Variants in LMBR1 observed in about 807,000 individuals in gnomAD.
LMBR1 encodes the protein limb region 1 protein homolog.
LMBR1 carries 52 observed loss-of-function variants against 73.9 expected under a neutral mutation model. The observed-to-expected ratio is 0.70, with a 90% CI of 0.56 to 0.89. The LOEUF (loss-of-function observed/expected upper bound fraction) is 0.89, where lower values mean the gene tolerates loss of function less well. Among genes scored for constraint, LMBR1 ranks in the 40% least tolerant of loss-of-function variants. The pLI, the probability that LMBR1 is intolerant of heterozygous loss-of-function variation, is 0.00. For missense variants in LMBR1, 539 were observed against 579.8 expected, an observed-to-expected ratio of 0.93 and a Z score of 0.72; for synonymous variants, 215 against 209.4, an observed-to-expected ratio of 1.03 and a Z score of -0.23.
chr7:156,888,718 G>T (rs1802374685), intron 1 of LMBR1, among the ~76,000 whole-genome samples: 1 of 152,084 alleles, frequency 6.6e-6, no homozygotes, highest in African/African-American at 2.4e-5. Context: ...AGGAGTTCAA[G>T]AACAGCCTGG....
At position 156,670,019 on chromosome 7, in the gene LMBR1, C is replaced by T. The variant is rs1802129350; in HGVS notation, n.867-732G>A. On this transcript the variant is annotated intron_variant and non_coding_transcript_variant, in intron 4 of 4. Coordinates refer to the LMBR1 transcript ENST00000430825. This position sits in a 1 kb window ranked among gnomAD's most constrained non-coding sequence, Gnocchi z 4.3. ...TATGTACTTCTGTGGCCTCTCTCTC[C>T]AGTGGTCATGTAGTTTTTTTTATTT... 6.6e-6 allele frequency among the ~76,000 whole-genome samples: 1 copy of T among 152,124 alleles called. No individual in the cohort carries two copies. The highest frequency in any genetic ancestry group is 1.5e-5 in the Non-Finnish European group (1 of 68,034).
chr7:156,781,488 G>A (rs1827126049), intron 5 of LMBR1, among the ~76,000 whole-genome samples: 1 of 151,956 alleles, frequency 6.6e-6, no homozygotes, highest in Non-Finnish European at 1.5e-5. Flanking sequence ...CAGTGCAGAT[G>A]CATACATACA....
At chr7:156,675,320 G>A (rs1382525812), downstream of LMBR1, among the ~76,000 whole-genome samples, 4 of 152,354 alleles carry the variant, frequency 2.6e-5, no homozygotes, top group Middle Eastern at 3.4e-3. Context: ...CTTTGGAGAC[G>A]AGGGTGCCTC....
Position 156,783,416 on chromosome 7 carries a change from C to T in LMBR1, c.423+12973G>A, listed in dbSNP as rs78702318. On this transcript the variant is annotated intron_variant, in intron 5 of 16. Coordinates refer to ENST00000353442, the MANE Select transcript of LMBR1 (RefSeq NM_022458.4). The stretch of plus-strand genomic sequence containing the variant: ...CTAGTCTCGAACTCCTGGCCTCCTG[C>T]GATTCTCCCACCTCAGCCTCCCAAA... Among the ~76,000 whole-genome samples, 4 of 152,080 alleles carry T rather than the reference C, an allele frequency of 2.6e-5. No individual in the cohort carries two copies. In the South Asian group the frequency reaches 6.2e-4, roughly 24 times the overall value.
chr7:156,828,670 T>A (rs1034868542), intron 3 of LMBR1, among the ~76,000 whole-genome samples: 2 of 152,254 alleles, frequency 1.3e-5, no homozygotes, highest in South Asian at 4.1e-4. Context: ...ATTAAAACAA[T>A]AAAACCACCT....
At chr7:156,735,127 C>A (rs993038428) in intron 9 of LMBR1, among the ~76,000 whole-genome samples, 1 of 152,138 alleles carries the variant, frequency 6.6e-6, no homozygotes, top group African/African-American at 2.4e-5. Context: ...CTAATTATTT[C>A]TGTAAGACAG....
chr7:156,830,553 A>G (rs1342419869), intron 3 of LMBR1, among the ~76,000 whole-genome samples: 1 of 152,210 alleles, frequency 6.6e-6, no homozygotes, highest in East Asian at 1.9e-4. Flanking sequence ...ACCCTCCCAA[A>G]TATCATCAAA....
At chr7:156,836,666 A>G in intron 2 of LMBR1, 147 bp downstream of exon 2, 1 of 472,390 alleles carries the variant, frequency 2.1e-6, no homozygotes, top group Non-Finnish European at 3.7e-6. Flanking sequence ...GGTTATTTTT[A>G]GGTCTCCTAG....
chr7:156,730,779 T>C (rs901344133), intron 10 of LMBR1, among the ~76,000 whole-genome samples: 2 of 151,922 alleles, frequency 1.3e-5, no homozygotes, highest in Non-Finnish European at 2.9e-5. Flanking sequence ...CTACTAAAAA[T>C]ACAAAAAATT....
chr7:156,753,270 G>A (rs989434751), intron 9 of LMBR1, among the ~76,000 whole-genome samples: 8 of 151,892 alleles, frequency 5.3e-5, no homozygotes, highest in African/African-American at 1.9e-4. Context: ...TAGAAACGAG[G>A]AGCAAAAATC....
At chr7:156,708,674 T>C (rs1463358338) in intron 15 of LMBR1, among the ~76,000 whole-genome samples, 3 of 152,144 alleles carry the variant, frequency 2.0e-5, no homozygotes, top group Non-Finnish European at 2.9e-5. Context: ...TTGAGCAGAA[T>C]CTGGTAGGGG....
intron 4 of LMBR1, among the ~76,000 whole-genome samples, chr7:156,802,296 T>C (rs951279922): frequency 1.3e-5 from 2 of 152,228 alleles, no homozygotes; most frequent in African/African-American, 4.8e-5. Context: ...AAACTTCTTA[T>C]ATTCTTTAGA....
intron 3 of LMBR1, among the ~76,000 whole-genome samples, chr7:156,829,223 T>C (rs1216131357): frequency 1.3e-5 from 2 of 152,242 alleles, no homozygotes; most frequent in East Asian, 3.8e-4. Context: ...ATTGCTTTAC[T>C]AAGAATTCTT....
chr7:156,843,773 T>C (rs1839124094), intron 1 of LMBR1, among the ~76,000 whole-genome samples: 1 of 146,942 alleles, frequency 6.8e-6, no homozygotes, highest in African/African-American at 2.5e-5. Context: ...GAGATGGAGG[T>C]TGTCATGAGC....
At chr7:156,773,738 G>A (rs188769100) in intron 5 of LMBR1, among the ~76,000 whole-genome samples, 13 of 151,756 alleles carry the variant, frequency 8.6e-5, no homozygotes, top group Non-Finnish European at 1.3e-4. Context: ...ACCTAAAACC[G>A]TTAAAAACCC....
chr7:156,874,652 C>A (rs1466503130), intron 1 of LMBR1, among the ~76,000 whole-genome samples: 1 of 152,238 alleles, frequency 6.6e-6, no homozygotes, highest in Non-Finnish European at 1.5e-5. Context: ...AGTACCAGCC[C>A]TGCCTGGTAG....
At chr7:156,866,956 G>A (rs1365411016) in intron 1 of LMBR1, among the ~76,000 whole-genome samples, 1 of 152,122 alleles carries the variant, frequency 6.6e-6, no homozygotes, top group Non-Finnish European at 1.5e-5. Context: ...ACATACAAGC[G>A]TGAGACCTTC....
At chr7:156,742,119 C>A (rs1819008849) in intron 9 of LMBR1, among the ~76,000 whole-genome samples, 1 of 151,910 alleles carries the variant, frequency 6.6e-6, no homozygotes, top group African/African-American at 2.4e-5. Context: ...GCACAACATA[C>A]CAAAACCTAC....
chr7:156,881,134 T>C (rs1179673094), intron 1 of LMBR1, among the ~76,000 whole-genome samples: 1 of 152,112 alleles, frequency 6.6e-6, no homozygotes, highest in African/African-American at 2.4e-5. Context: ...AGTACTGACA[T>C]AAAGACAGAT....
Sources: gnomAD v4.1 joint callset for allele counts (sites outside exome capture counted in the v4.1 genomes callset) on GRCh38, gnomAD v4.1.1 for gene constraint, Gnocchi (gnomAD v3.1) non-coding constraint, MANE v1.5 for transcripts, NCBI Gene and HGNC (gene_info 2026-07-23, HGNC 2026-07-21) for gene names.